Variants in CA10 observed in about 807,000 individuals in gnomAD.
CA10 encodes carbonic anhydrase-related protein 10.
Under a neutral mutation model 44.2 loss-of-function variants are expected in CA10, and 14 were observed. The ratio of observed to expected loss-of-function variants is 0.32; its 90% CI spans 0.21 to 0.50. The LOEUF (loss-of-function observed/expected upper bound fraction) is 0.50. CA10 is among the 20% of genes least tolerant of loss of function. The pLI is 0.99. For missense variants in CA10, 350 were observed against 409.7 expected (o/e 0.85, Z 1.26); for synonymous variants, 159 against 141.6 (o/e 1.12, Z -0.87).
chr17:51,729,847 T>C (rs4794300), intron 4 of CA10, among the ~76,000 whole-genome samples: 99,427 of 152,166 alleles, frequency 0.65, 32,679 homozygotes, highest in Admixed American at 0.73. Flanking sequence ...AGTCAATCCA[T>C]GTGGTCAGAT....
At chr17:51,822,991 A>G (rs529209986) in intron 3 of CA10, among the ~76,000 whole-genome samples, 1 of 152,152 alleles carries the variant, frequency 6.6e-6, no homozygotes, top group Non-Finnish European at 1.5e-5. Context: ...TTTGCTGCTT[A>G]ATAATCCACT....
intron 2 of CA10, among the ~76,000 whole-genome samples, chr17:51,955,564 C>G (rs1479658525): frequency 6.6e-6 from 1 of 152,110 alleles, no homozygotes; most frequent in East Asian, 1.9e-4. Flanking sequence ...TCAATATTCT[C>G]CCTAAGAATC....
chr17:51,709,706 G>C (rs1039645698), intron 4 of CA10, among the ~76,000 whole-genome samples: 2 of 152,164 alleles, frequency 1.3e-5, no homozygotes, highest in African/African-American at 4.8e-5. Context: ...GTGTTCCCCA[G>C]GCAGAAAGAA....
chr17:51,662,160 C>T (rs189659125), intron 4 of CA10, among the ~76,000 whole-genome samples: 2 of 152,306 alleles, frequency 1.3e-5, no homozygotes, highest in African/African-American at 4.8e-5. Flanking sequence ...TCTCCCTTTC[C>T]TTTAAATGAT....
At chr17:51,749,368 C>A (rs1904815295) in intron 3 of CA10, among the ~76,000 whole-genome samples, 1 of 152,234 alleles carries the variant, frequency 6.6e-6, no homozygotes, top group Non-Finnish European at 1.5e-5. Context: ...GTTTTCTTCA[C>A]TTCTTCGTGG....
chr17:52,151,982 A>AT (rs751121855), intron 1 of CA10, among the ~76,000 whole-genome samples: 17 of 152,216 alleles, frequency 1.1e-4, no homozygotes, highest in Admixed American at 3.9e-4. Flanking sequence ...CACATTAGCC[A>AT]TTTTACAAAT....
chr17:51,737,976 C>G (rs1916968574), intron 4 of CA10, among the ~76,000 whole-genome samples: 1 of 152,172 alleles, frequency 6.6e-6, no homozygotes, highest in Non-Finnish European at 1.5e-5. Context: ...ATATTTACTG[C>G]CCAGAATTCT....
At chr17:52,058,140 C>T (rs1367059675) in intron 2 of CA10, among the ~76,000 whole-genome samples, 1 of 152,104 alleles carries the variant, frequency 6.6e-6, no homozygotes. Context: ...GTACAATACG[C>T]TGTAGTTGGC....
At chr17:52,118,632 C>G (rs1054860348) in intron 1 of CA10, among the ~76,000 whole-genome samples, 8 of 151,940 alleles carry the variant, frequency 5.3e-5, no homozygotes, top group African/African-American at 1.9e-4. Context: ...GTTTAATCTT[C>G]TTCAGGTTAT....
chr17:51,963,491 G>GA (rs1256189891), intron 2 of CA10, among the ~76,000 whole-genome samples: 1 of 152,138 alleles, frequency 6.6e-6, no homozygotes, highest in East Asian at 1.9e-4. Flanking sequence ...TCAACACTAA[G>GA]AAAAAAATCT....
upstream of CA10, chr17:52,159,933 G>A (rs1018228478): frequency 1.3e-5 from 2 of 152,138 alleles, no homozygotes; most frequent in African/African-American, 4.8e-5. Flanking sequence ...CCTCTTTGGG[G>A]TTATTGAAGA....
chr17:51,917,184 T>C (rs1188934642), intron 3 of CA10, among the ~76,000 whole-genome samples: 1 of 152,208 alleles, frequency 6.6e-6, no homozygotes, highest in Non-Finnish European at 1.5e-5. Context: ...TTAACACCCC[T>C]ACCATGGTGG....
intron 3 of CA10, among the ~76,000 whole-genome samples, chr17:51,780,908 G>C (rs970596104): frequency 6.6e-6 from 1 of 152,224 alleles, no homozygotes; most frequent in Non-Finnish European, 1.5e-5. Context: ...CAACTCTGTT[G>C]TGGTAGCATG....
intron 3 of CA10, among the ~76,000 whole-genome samples, chr17:51,925,588 T>C (rs1982397954): frequency 1.3e-5 from 2 of 152,124 alleles, no homozygotes; most frequent in African/African-American, 2.4e-5. Flanking sequence ...CTCCTTGCCA[T>C]ACACCCAGAA....
At chr17:52,087,015 CTA>C (rs914610035) in intron 1 of CA10, among the ~76,000 whole-genome samples, 1 of 152,146 alleles carries the variant, frequency 6.6e-6, no homozygotes, top group African/African-American at 2.4e-5. Flanking sequence ...CTCCTACAAC[CTA>C]TCTCTTTCCC....
chr17:51,649,878 G>GGAA (rs5820866), intron 5 of CA10, among the ~76,000 whole-genome samples: 1 of 142,732 alleles, frequency 7.0e-6, no homozygotes, highest in African/African-American at 2.6e-5. Context: ...TAAGGAAATG[G>GGAA]AAAAAAAAAA....
intron 6 of CA10, among the ~76,000 whole-genome samples, 162 bp from the exon 7 acceptor site, chr17:51,636,171 C>T (rs1205797613): frequency 6.6e-6 from 1 of 152,068 alleles, no homozygotes; most frequent in Admixed American, 6.6e-5. Flanking sequence ...CTCTATCTGT[C>T]AGAACAGGCT....
At chr17:51,801,337 C>T (rs924801956) in intron 3 of CA10, among the ~76,000 whole-genome samples, 10 of 152,120 alleles carry the variant, frequency 6.6e-5, no homozygotes, top group Non-Finnish European at 1.0e-4. Flanking sequence ...TCTCCAGTCG[C>T]CCTTGGGGAC....
intron 6 of CA10, among the ~76,000 whole-genome samples, chr17:51,641,085 G>C (rs1913059953): frequency 6.6e-6 from 1 of 151,620 alleles, no homozygotes; most frequent in African/African-American, 2.4e-5. Flanking sequence ...TTCAAATAAA[G>C]TTTCATGAAT....
Sources: gnomAD v4.1 joint callset for allele counts (sites outside exome capture counted in the v4.1 genomes callset) on GRCh38, gnomAD v4.1.1 for gene constraint, MANE v1.5 for transcripts, NCBI Gene and HGNC (gene_info 2026-07-23, HGNC 2026-07-21) for gene names.